The following CHMP7 variants were observed in gnomAD, a reference collection of about 807,000 sequenced individuals.
CHMP7 encodes CHMP family, member 7.
In CHMP7, 15 loss-of-function variants were observed where a neutral mutation model predicts 53.7. The ratio of observed to expected loss-of-function variants is 0.28; its 90% CI spans 0.19 to 0.43. The LOEUF is 0.43. Ranked by LOEUF, CHMP7 falls within the 20% of genes least tolerant of loss-of-function variation. The pLI is 1.00. For synonymous variants in CHMP7, 261 were observed against 228.0 expected (o/e 1.14, Z -1.30); for missense variants, 527 against 569.4 (o/e 0.93, Z 0.76).
chr8:23,256,018 C>T (rs1802111626), intron 4 of CHMP7, among the ~76,000 whole-genome samples: 2 of 152,060 alleles, frequency 1.3e-5, no homozygotes, highest in South Asian at 4.1e-4. Context: ...CCTCGGCCTC[C>T]CAAAGTGCTA....
chr8:23,256,848 A>G (rs1332546474), intron 5 of CHMP7, among the ~76,000 whole-genome samples: 1 of 132,358 alleles, frequency 7.6e-6, no homozygotes, highest in Non-Finnish European at 1.5e-5. Context: ...GCTGGAGTGC[A>G]GTGGTGCGAT....
At position 23,248,974 on chromosome 8, in the gene CHMP7, C is replaced by T. The variant is rs1283662533; in HGVS notation, c.300-236C>T. ...TGGCCTCTCTGCTTACCTTCTGAGT[C>T]CCTCAGTTTTCTCATTCGTTAAAAT... On this transcript the variant is annotated intron_variant, in intron 2 of 10. Coordinates refer to ENST00000397677, the MANE Select transcript of CHMP7 (RefSeq NM_152272.5). 2.6e-5 allele frequency among the ~76,000 whole-genome samples: 4 copies of T among 152,194 alleles called. No individual in the cohort carries two copies. The East Asian group carries it at 7.7e-4, about 29-fold the overall frequency.
chr8:23,248,971 A>G (rs1801815893), intron 2 of CHMP7, among the ~76,000 whole-genome samples: 1 of 152,152 alleles, frequency 6.6e-6, no homozygotes, highest in African/African-American at 2.4e-5. Flanking sequence ...TTACCTTCTG[A>G]GTCCCTCAGT....
intron 3 of CHMP7, among the ~76,000 whole-genome samples, chr8:23,251,312 T>TA (rs1358370227): frequency 2.0e-5 from 3 of 152,104 alleles, no homozygotes; most frequent in African/African-American, 4.8e-5. Flanking sequence ...TTTTGTTATT[T>TA]AAAAAAAATA....
intron 2 of CHMP7, 30 bp downstream of exon 2, chr8:23,247,024 A>C: frequency 7.1e-7 from 1 of 1,400,156 alleles, no homozygotes; most frequent in Non-Finnish European, 9.4e-7. Flanking sequence ...CAGGGCCGCG[A>C]GGGCGGGCGG....
rs763094011 is a variant in CHMP7, at chr8:23,256,578, C to G, written c.776C>G (p.Ser259Cys). 6 of 1,613,836 alleles carry G rather than the reference C, an allele frequency of 3.7e-6. No individual in the cohort carries two copies. The Admixed American group carries it at 6.7e-5, about 18-fold the overall frequency. Residue 259 changes from serine (S) to cysteine (C), a missense_variant, in exon 5 of 11, where the codon TCC becomes TGC. Ser to Cys is a moderately radical substitution (Grantham distance 112). Coordinates refer to ENST00000397677, the MANE Select transcript of CHMP7 (RefSeq NM_152272.5). The stretch of plus-strand genomic sequence containing the variant: ...CTCTCACGCAAAGTGGAGTCCTTAT[C>G]CCAGGAAGCAGAGAGGTAACTTTTA... The part of the protein sequence containing the change: ...QLLSRKVESL[S>C]QEAERCKEEA...
chr8:23,248,388 C>T (rs1801794070), intron 2 of CHMP7, among the ~76,000 whole-genome samples: 1 of 152,182 alleles, frequency 6.6e-6, no homozygotes, highest in African/African-American at 2.4e-5. Flanking sequence ...TACTTCTCCA[C>T]GGAGGCGACG....
intron 7 of CHMP7, 111 bp downstream of exon 7, chr8:23,258,560 T>G (rs1267405092): frequency 1.0e-5 from 15 of 1,474,292 alleles, no homozygotes; most frequent in Non-Finnish European, 5.6e-6. Context: ...GGGATGTGGC[T>G]GGGGTTGCCT....
At chr8:23,252,195 C>CTTTTTTTTT (rs373288680) in intron 3 of CHMP7, among the ~76,000 whole-genome samples, 4 of 105,298 alleles carry the variant, frequency 3.8e-5, no homozygotes, top group African/African-American at 8.8e-5. Context: ...ATTGTGTTAT[C>CTTTTTTTTT]TTTTTTTTTT....
intron 1 of CHMP7, among the ~76,000 whole-genome samples, chr8:23,244,895 A>T (rs1029752203): frequency 1.3e-5 from 2 of 152,218 alleles, no homozygotes; most frequent in Admixed American, 1.3e-4. Flanking sequence ...GGGGGGTGCT[A>T]ATGTAAATGG....
Position 23,260,310 on chromosome 8 carries a change from C to T in CHMP7, c.1287C>T (p.Ser429=). Reference sequence around the variant, plus strand: ...TTGAAGCTGAACTTGAGAAACTGTCCTTATCAGAGGGAGGTATGGAGCTGT... The same window carrying T: ...TTGAAGCTGAACTTGAGAAACTGTCTTTATCAGAGGGAGGTATGGAGCTGT... ...AELEAELEKL[S]LSEGGLVPSS... is the part of the protein sequence containing the mutation. Residue 429 remains serine, a synonymous_variant, in exon 10 of 11, where the codon TCC becomes TCT. Coordinates refer to ENST00000397677, the MANE Select transcript of CHMP7 (RefSeq NM_152272.5). The T allele has an allele frequency of 1.2e-6, 2 of 1,614,162 alleles. No individual in the cohort carries two copies. Among genetic ancestry groups the T allele is most frequent in the Middle Eastern group, 1.7e-4 (1 of 6,060 alleles).
At chr8:23,253,761 G>A (rs1802021058) in intron 3 of CHMP7, among the ~76,000 whole-genome samples, 1 of 152,220 alleles carries the variant, frequency 6.6e-6, no homozygotes, top group African/African-American at 2.4e-5. Context: ...AGTTACCAGT[G>A]TTATCTTCTG....
intron 9 of CHMP7, 189 bp from the exon 10 acceptor site, chr8:23,259,955 T>G (rs1035054389): frequency 1.7e-6 from 1 of 584,230 alleles, no homozygotes; most frequent in Admixed American, 3.0e-5. Context: ...CCTTGGTGAC[T>G]TAGCTTGGAG....
rs373288680 is a variant in CHMP7 at position 23,252,195 on chromosome 8, C to CTTT, written c.471+2826_471+2828dup. On this transcript the variant is annotated intron_variant, in intron 3 of 10. Transcript: ENST00000397677. Reference sequence around the variant, plus strand: ...CCTTTCCTGTTTTGTATTGTGTTATCTTTTTTTTTTTTTTGAGATGGAGTT... The same window carrying CTTT: ...CCTTTCCTGTTTTGTATTGTGTTATCTTTTTTTTTTTTTTTTTGAGATGGAGTT... 3.4e-3 allele frequency among the ~76,000 whole-genome samples: 354 copies of CTTT among 105,298 alleles called. 25 individuals carry two copies. The highest frequency in any genetic ancestry group is 8.5e-3 in the Middle Eastern group (1 of 118). The allele number at this position is 105,298 out of a possible 152,430, so 69.1% of individuals were successfully genotyped here.
intron 4 of CHMP7, 25 bp from the exon 5 acceptor site, chr8:23,256,435 G>A (rs765096126): frequency 9.6e-6 from 15 of 1,570,488 alleles, no homozygotes; most frequent in African/African-American, 1.3e-5. Context: ...GGTAGCAGCA[G>A]TAGTAATTTC....
In CHMP7 at chr8:23,258,543, T is replaced by A. The variant is rs559401835; in HGVS notation, c.960+94T>A. 782 of 1,538,754 alleles carry A rather than the reference T, an allele frequency of 5.1e-4. 6 individuals are homozygous for A. In the African/African-American group the frequency reaches 9.8e-3, roughly 19 times the overall value. ...CTTGGCTGTTTGGAGGATCCCTGGG[T>A]TCTTTCGGGATGTGGCTGGGGTTGC... On this transcript the variant is annotated intron_variant, in intron 7 of 10. Coordinates refer to ENST00000397677, the MANE Select transcript of CHMP7 (RefSeq NM_152272.5).
intron 1 of CHMP7, among the ~76,000 whole-genome samples, chr8:23,244,732 T>C (rs1276855342): frequency 2.0e-5 from 3 of 152,364 alleles, no homozygotes; most frequent in East Asian, 1.9e-4. Flanking sequence ...TTGGGAAGAA[T>C]TGATATCTTG....
rs1277282624 is a variant in CHMP7 at position 23,261,433 on chromosome 8, A to G, written c.*834A>G. On this transcript the variant is annotated 3_prime_UTR_variant, in exon 11 of 11. Transcript: ENST00000397677. Reference sequence around the variant, plus strand: ...CCATCATGGAGTAACTTAAAAATACATATCTATCTTCCAGAACAAGCCACA... The same window carrying G: ...CCATCATGGAGTAACTTAAAAATACGTATCTATCTTCCAGAACAAGCCACA... 2.0e-5 allele frequency: 3 copies of G among 152,752 alleles called. No individual in the cohort carries two copies. Among genetic ancestry groups the G allele is most frequent in the Non-Finnish European group, 4.4e-5 (3 of 68,144 alleles). 9.5% of individuals were successfully genotyped at this position (152,752 alleles called of 1,614,324 possible).
chr8:23,256,783 A>G (rs1585314056), intron 5 of CHMP7, 190 bp downstream of exon 5: 6 of 228,344 alleles, frequency 2.6e-5, no homozygotes, highest in Non-Finnish European at 2.4e-5. Flanking sequence ...AAAAAAAATG[A>G]GGCCTCTTTT....
Sources: gnomAD v4.1 joint callset for allele counts (sites outside exome capture counted in the v4.1 genomes callset) on GRCh38, gnomAD v4.1.1 for gene constraint, MANE v1.5 for transcripts, NCBI Gene and HGNC (gene_info 2026-07-23, HGNC 2026-07-21) for gene names.